DPYD: variants seen among roughly 807,000 people sequenced by gnomAD.
DPYD encodes the protein dihydropyrimidine dehydrogenase [NADP(+)].
A neutral mutation model predicts 116.2 loss-of-function variants in DPYD; 109 were observed. That is an observed-to-expected ratio of 0.94 (90% CI 0.80 to 1.10). The LOEUF is 1.10. DPYD is among the 50% of genes least tolerant of loss of function. DPYD has a pLI of 0.00. For synonymous variants in DPYD, 440 were observed against 432.0 expected (o/e 1.02, Z -0.23); for missense variants, 1,302 against 1,254.5 (o/e 1.04, Z -0.57).
At chr1:97,549,989 A>C (rs1287968632) in intron 11 of DPYD, among the ~76,000 whole-genome samples, 1 of 152,208 alleles carries the variant, frequency 6.6e-6, no homozygotes, top group Non-Finnish European at 1.5e-5. Flanking sequence ...TCAATGTTTC[A>C]GAGCGGACAT....
At chr1:97,821,695 A>T (rs2101449806) in intron 3 of DPYD, among the ~76,000 whole-genome samples, 1 of 152,316 alleles carries the variant, frequency 6.6e-6, no homozygotes, top group South Asian at 2.1e-4. Flanking sequence ...CAAGATATAC[A>T]GCTTCTAGTA....
intron 16 of DPYD, among the ~76,000 whole-genome samples, chr1:97,333,517 ATT>A (rs778577478): frequency 2.0e-4 from 19 of 97,028 alleles, no homozygotes; most frequent in Admixed American, 3.9e-4. Context: ...AAGTCTTAGG[ATT>A]TTTTTTTTTT....
chr1:97,759,360 G>A (rs1007091544), intron 3 of DPYD, among the ~76,000 whole-genome samples: 1 of 151,998 alleles, frequency 6.6e-6, no homozygotes, highest in Non-Finnish European at 1.5e-5. Flanking sequence ...TAAAACCTTG[G>A]CTTTTGAGTC....
At chr1:97,887,665 A>C (rs1239042299) in intron 1 of DPYD, among the ~76,000 whole-genome samples, 2 of 151,732 alleles carry the variant, frequency 1.3e-5, no homozygotes, top group Non-Finnish European at 2.9e-5. Context: ...GAGACAACAG[A>C]AACTCCCATT....
chr1:97,148,234 T>G (rs926056418), intron 20 of DPYD, among the ~76,000 whole-genome samples: 3 of 112,276 alleles, frequency 2.7e-5, no homozygotes, highest in Admixed American at 8.9e-5. Flanking sequence ...GGTGTATGTG[T>G]AGGGTGTGTG....
At position 97,195,634 on chromosome 1, in the gene DPYD, GTATATATATATATATATATATATATA is replaced by G. The variant is rs71071637; in HGVS notation, c.2443-2412_2443-2387del. Among the ~76,000 whole-genome samples, 308 of 57,716 alleles carry G rather than the reference GTATATATATATATATATATATATATA, an allele frequency of 5.3e-3. 15 individuals carry two copies. The highest frequency in any genetic ancestry group is 0.02 in the Middle Eastern group (2 of 98). The allele number at this position is 57,716 out of a possible 152,430, so 37.9% of individuals were successfully genotyped here. A position where few individuals can be genotyped will look rare whatever the true frequency, so the allele number is the denominator to read the frequency against. ...TATATATGTATGTGTATATGTATGT[GTATATATATATATATATATATATATA>G]TATATATATATATATATATATATAT... On this transcript the variant is annotated intron_variant, in intron 19 of 22. Transcript: ENST00000370192.
chr1:97,359,166 G>A (rs1357111250), intron 16 of DPYD, among the ~76,000 whole-genome samples: 2 of 152,066 alleles, frequency 1.3e-5, no homozygotes, highest in Non-Finnish European at 2.9e-5. Context: ...CGTGACACAT[G>A]CACAAGCTTC....
rs77000932 is a variant in DPYD, at chr1:97,188,328, C to A, written c.2622+4741G>T. 3.9e-4 allele frequency among the ~76,000 whole-genome samples: 60 copies of A among 152,174 alleles called. No individual in the cohort carries two copies. The East Asian group carries it at 0.01, about 26-fold the overall frequency. ...AGTAATTTGGCAGGTTTATTGTTTT[C>A]TTCTAAAATGACTGCTGCTGTTCTT... On this transcript the variant is annotated intron_variant, in intron 20 of 22. Coordinates refer to ENST00000370192, the MANE Select transcript of DPYD (RefSeq NM_000110.4).
intron 18 of DPYD, among the ~76,000 whole-genome samples, chr1:97,299,386 A>G (rs1332978093): frequency 1.3e-5 from 2 of 152,174 alleles, no homozygotes; most frequent in Non-Finnish European, 2.9e-5. Context: ...AAAGTCTATC[A>G]AATATTTTCT....
intron 18 of DPYD, among the ~76,000 whole-genome samples, chr1:97,260,816 T>C (rs1663823912): frequency 2.0e-5 from 3 of 152,086 alleles, no homozygotes; most frequent in African/African-American, 7.2e-5. Flanking sequence ...TGAACATAAC[T>C]ATATAATGTA....
chr1:97,215,720 T>A (rs1403972087), intron 19 of DPYD, among the ~76,000 whole-genome samples: 1 of 152,154 alleles, frequency 6.6e-6, no homozygotes, highest in African/African-American at 2.4e-5. Context: ...ACATTCCTCC[T>A]GCGCACAAAC....
At chr1:97,301,176 C>G (rs922599713) in intron 18 of DPYD, among the ~76,000 whole-genome samples, 1 of 151,948 alleles carries the variant, frequency 6.6e-6, no homozygotes, top group Non-Finnish European at 1.5e-5. Context: ...GTAATAACCT[C>G]TATGAGAGGA....
intron 12 of DPYD, among the ~76,000 whole-genome samples, chr1:97,523,627 G>A (rs1648845664): frequency 6.6e-6 from 1 of 151,664 alleles, no homozygotes. Flanking sequence ...AATATTTTTT[G>A]CTTCCACTTA....
intron 14 of DPYD, among the ~76,000 whole-genome samples, chr1:97,427,546 C>G (rs1185251516): frequency 6.6e-6 from 1 of 151,926 alleles, no homozygotes; most frequent in East Asian, 1.9e-4. Context: ...TCTTCATGCC[C>G]CAAGTGCAAT....
intron 8 of DPYD, among the ~76,000 whole-genome samples, chr1:97,631,787 G>C (rs1657275425): frequency 6.6e-6 from 1 of 151,980 alleles, no homozygotes; most frequent in Admixed American, 6.6e-5. Context: ...AGAGCTTTAT[G>C]ACACTGTGTG....
intron 16 of DPYD, among the ~76,000 whole-genome samples, chr1:97,365,185 C>T (rs1405770019): frequency 6.6e-6 from 1 of 152,166 alleles, no homozygotes; most frequent in Admixed American, 6.6e-5. Flanking sequence ...CCTTTACTCT[C>T]GAGTCATTTG....
intron 18 of DPYD, among the ~76,000 whole-genome samples, chr1:97,252,840 G>A (rs886306131): frequency 3.9e-5 from 6 of 152,100 alleles, no homozygotes; most frequent in Admixed American, 6.6e-5. Context: ...CTAGGCAAGT[G>A]TTTTCACAGG....
chr1:97,845,681 C>G (rs1396230032), intron 2 of DPYD, among the ~76,000 whole-genome samples: 2 of 152,174 alleles, frequency 1.3e-5, no homozygotes, highest in African/African-American at 4.8e-5. Flanking sequence ...AAACAGAATC[C>G]TCCTACTGCT....
intron 19 of DPYD, among the ~76,000 whole-genome samples, chr1:97,232,100 G>A (rs558810898): frequency 6.6e-6 from 1 of 152,156 alleles, no homozygotes; most frequent in South Asian, 2.1e-4. Context: ...TTTGGTTAAG[G>A]ATTCCTGGCA....
Sources: gnomAD v4.1 joint callset for allele counts (sites outside exome capture counted in the v4.1 genomes callset) on GRCh38, gnomAD v4.1.1 for gene constraint, MANE v1.5 for transcripts, NCBI Gene and HGNC (gene_info 2026-07-23, HGNC 2026-07-21) for gene names.